The following ZSWIM6 variants were observed in gnomAD, a reference collection of about 807,000 sequenced individuals.
ZSWIM6 encodes the protein zinc finger SWIM-type containing 6, also known as zinc finger SWIM domain-containing protein 6.
Under a neutral mutation model 113.2 loss-of-function variants are expected in ZSWIM6, and 9 were observed. The observed-to-expected ratio is 0.08, with a 90% CI of 0.05 to 0.14. ZSWIM6 has a LOEUF of 0.14. Ranked by LOEUF, ZSWIM6 falls within the 10% of genes least tolerant of loss-of-function variation. The probability of loss-of-function intolerance (pLI) is 1.00; values close to 1 mark genes in which losing one functional copy is unlikely to be tolerated. For missense variants in ZSWIM6, 1,162 were observed against 1,552.2 expected (o/e 0.75, Z 4.22); for synonymous variants, 611 against 606.5 (o/e 1.01, Z -0.11).
intron 2 of ZSWIM6, among the ~76,000 whole-genome samples, chr5:61,490,383 A>G (rs559449484): frequency 1.1e-4 from 16 of 152,206 alleles, no homozygotes; most frequent in Non-Finnish European, 1.8e-4. Context: ...TAGTAAAGAG[A>G]GAAATACTCT....
intron 13 of ZSWIM6, 106 bp downstream of exon 13, chr5:61,542,071 A>C: frequency 9.7e-7 from 1 of 1,034,606 alleles, no homozygotes; most frequent in Non-Finnish European, 1.4e-6. Flanking sequence ...TGACTTCTCC[A>C]AGGCTCCTTC....
At chr5:61,379,442 A>G (rs1745434687) in intron 1 of ZSWIM6, among the ~76,000 whole-genome samples, 1 of 152,080 alleles carries the variant, frequency 6.6e-6, no homozygotes, top group Non-Finnish European at 1.5e-5. Flanking sequence ...TGTCATTTTA[A>G]AATTGTAGGG....
intron 1 of ZSWIM6, among the ~76,000 whole-genome samples, chr5:61,337,674 G>C (rs1208793366): frequency 6.6e-6 from 1 of 152,158 alleles, no homozygotes; most frequent in Admixed American, 6.5e-5. Flanking sequence ...TTTAAAACAA[G>C]TTAAAAACTT....
At chr5:61,513,158 A>C (rs528744071) in intron 4 of ZSWIM6, among the ~76,000 whole-genome samples, 2 of 151,832 alleles carry the variant, frequency 1.3e-5, no homozygotes, top group Non-Finnish European at 2.9e-5. Flanking sequence ...CCTGGCTACC[A>C]CTGTTCTTTT....
chr5:61,402,771 A>T (rs1170673044), intron 1 of ZSWIM6, among the ~76,000 whole-genome samples: 1 of 152,226 alleles, frequency 6.6e-6, no homozygotes, highest in Non-Finnish European at 1.5e-5. Flanking sequence ...AATAATTATT[A>T]CTTTGTCCCT....
intron 1 of ZSWIM6, among the ~76,000 whole-genome samples, chr5:61,423,137 T>G (rs185547009): frequency 6.6e-6 from 1 of 152,304 alleles, no homozygotes; most frequent in African/African-American, 2.4e-5. Flanking sequence ...CCAGGCGCAG[T>G]GGCTCACGCC....
intron 1 of ZSWIM6, among the ~76,000 whole-genome samples, chr5:61,419,860 G>A (rs1045895013): frequency 2.0e-5 from 3 of 152,216 alleles, no homozygotes; most frequent in South Asian, 2.1e-4. Flanking sequence ...GGAGTTAGGT[G>A]TGCAATTGTG....
At chr5:61,496,748 G>C (rs10060668) in intron 4 of ZSWIM6, among the ~76,000 whole-genome samples, 11,660 of 152,022 alleles carry the variant, frequency 0.077, 596 homozygotes, top group Non-Finnish European at 0.11. Context: ...CCAACACCGC[G>C]CCATTACAGA....
At chr5:61,385,354 G>A (rs1745572774) in intron 1 of ZSWIM6, among the ~76,000 whole-genome samples, 1 of 152,220 alleles carries the variant, frequency 6.6e-6, no homozygotes. Context: ...GCTCACTCTT[G>A]AGTTTGACAT....
intron 1 of ZSWIM6, among the ~76,000 whole-genome samples, chr5:61,421,178 C>A (rs912267463): frequency 6.6e-6 from 1 of 152,098 alleles, no homozygotes; most frequent in African/African-American, 2.4e-5. Flanking sequence ...CCTTGGCCTC[C>A]CAAAGTGCTG....
intron 1 of ZSWIM6, among the ~76,000 whole-genome samples, chr5:61,463,891 T>A (rs1199588013): frequency 1.3e-5 from 2 of 152,162 alleles, no homozygotes. Flanking sequence ...GCTGGATCCT[T>A]GGGCTACAGA....
intron 1 of ZSWIM6, among the ~76,000 whole-genome samples, chr5:61,461,105 C>T (rs1747315229): frequency 6.6e-6 from 1 of 152,062 alleles, no homozygotes; most frequent in South Asian, 2.1e-4. Context: ...AAAATTTCCC[C>T]CCAAATGCCA....
intron 10 of ZSWIM6, 127 bp downstream of exon 10, chr5:61,535,746 G>C: frequency 2.4e-6 from 3 of 1,232,988 alleles, no homozygotes; most frequent in Non-Finnish European, 3.4e-6. Flanking sequence ...ATGTATTTAT[G>C]CTTCCTGTAT....
intron 5 of ZSWIM6, among the ~76,000 whole-genome samples, chr5:61,523,548 T>C (rs1335928920): frequency 2.0e-5 from 3 of 152,230 alleles, no homozygotes; most frequent in Admixed American, 1.3e-4. Context: ...TTGTGTACTT[T>C]ATGAAAAATT....
At chr5:61,364,267 T>C (rs1019647302) in intron 1 of ZSWIM6, among the ~76,000 whole-genome samples, 2 of 152,174 alleles carry the variant, frequency 1.3e-5, no homozygotes, top group Non-Finnish European at 2.9e-5. Context: ...GATTCAAAAG[T>C]AACATAATTC....
chr5:61,337,460 C>G (rs1466348389), intron 1 of ZSWIM6, among the ~76,000 whole-genome samples: 1 of 152,136 alleles, frequency 6.6e-6, no homozygotes, highest in African/African-American at 2.4e-5. Flanking sequence ...AGGAATTTAT[C>G]CTATAGATAA....
In ZSWIM6 at chr5:61,494,382, C is replaced by G; in HGVS notation, c.1305C>G (p.Asp435Glu). Residue 435 changes from aspartate (D) to glutamate (E), a missense_variant, in exon 4 of 14, where the codon GAC becomes GAG. By Grantham distance (45) the Asp-to-Glu change is conservative. Transcript: ENST00000252744. Reference protein sequence around the residue: ...LWRQQGTAMTDKYRQLWDELG... With the variant: ...LWRQQGTAMTEKYRQLWDELG... Reference sequence around the variant, plus strand: ...GGCAACAAGGCACTGCAATGACTGACAAATACAGGCAGCTCTGGGATGAGC... The same window carrying G: ...GGCAACAAGGCACTGCAATGACTGAGAAATACAGGCAGCTCTGGGATGAGC... 4 of 1,551,032 alleles carry G rather than the reference C, an allele frequency of 2.6e-6. No individual in the cohort carries two copies. The highest frequency in any genetic ancestry group is 3.5e-6 in the Non-Finnish European group (4 of 1,146,540).
At chr5:61,526,788 G>A (rs778525088) in intron 7 of ZSWIM6, among the ~76,000 whole-genome samples, 40 of 152,136 alleles carry the variant, frequency 2.6e-4, no homozygotes, top group South Asian at 1.2e-3. Context: ...GTCCCAAATG[G>A]GTGCCTTAGG....
chr5:61,437,179 A>G (rs1166206191), intron 1 of ZSWIM6, among the ~76,000 whole-genome samples: 1 of 152,198 alleles, frequency 6.6e-6, no homozygotes, highest in African/African-American at 2.4e-5. Flanking sequence ...TAAAAGGTAG[A>G]GTGGGGTGGG....
Sources: allele counts gnomAD v4.1 joint callset (sites outside exome capture counted in the v4.1 genomes callset), GRCh38; gene constraint gnomAD v4.1.1; transcripts MANE v1.5; gene names NCBI Gene and HGNC (gene_info 2026-07-23, HGNC 2026-07-21).